NXPH1: variants seen among roughly 807,000 people sequenced by gnomAD.
NXPH1 encodes the protein neurexophilin 1, also known as neurexophilin-1.
A neutral mutation model predicts 23.7 loss-of-function variants in NXPH1; 5 were observed. That is an observed-to-expected ratio of 0.21 (90% CI 0.11 to 0.44). NXPH1 has a LOEUF of 0.44. Ranked by LOEUF, NXPH1 falls within the 20% of genes least tolerant of loss-of-function variation. The pLI is 0.99. For missense variants in NXPH1, 324 were observed against 321.6 expected, an observed-to-expected ratio of 1.01 and a Z score of -0.06; for synonymous variants, 144 against 122.2, an observed-to-expected ratio of 1.18 and a Z score of -1.18.
intron 2 of NXPH1, among the ~76,000 whole-genome samples, chr7:8,667,055 C>A (rs1439328757): frequency 1.3e-5 from 2 of 152,064 alleles, no homozygotes; most frequent in Non-Finnish European, 2.9e-5. Context: ...CTGATGACAA[C>A]TTTTATCACA....
chr7:8,749,263 A>C (rs376441015), intron 2 of NXPH1, among the ~76,000 whole-genome samples: 54 of 152,184 alleles, frequency 3.5e-4, no homozygotes, highest in African/African-American at 1.2e-3. Flanking sequence ...TCACAAACTT[A>C]TGAAGTAGAT....
intron 2 of NXPH1, among the ~76,000 whole-genome samples, chr7:8,698,710 C>G (rs1386952684): frequency 6.6e-6 from 1 of 152,016 alleles, no homozygotes; most frequent in East Asian, 1.9e-4. Context: ...AAGTTGAGAA[C>G]CACAGATCTA....
intron 2 of NXPH1, among the ~76,000 whole-genome samples, chr7:8,667,477 CCG>C (rs1820790881): frequency 6.7e-6 from 1 of 148,592 alleles, no homozygotes; most frequent in South Asian, 2.1e-4. Context: ...TTTTTTTTCT[CCG>C]CAGCATTTTG....
chr7:8,628,789 T>A (rs1188740069), intron 2 of NXPH1, among the ~76,000 whole-genome samples: 1 of 152,014 alleles, frequency 6.6e-6, no homozygotes, highest in Non-Finnish European at 1.5e-5. Flanking sequence ...TGTGTAAATT[T>A]AGCAGAGATT....
intron 2 of NXPH1, among the ~76,000 whole-genome samples, chr7:8,647,450 C>G (rs976085876): frequency 1.3e-5 from 2 of 152,048 alleles, no homozygotes; most frequent in African/African-American, 2.4e-5. Flanking sequence ...AAGACAGCCC[C>G]CAGTGCCAGG....
At chr7:8,581,518 G>C (rs1818871996) in intron 2 of NXPH1, among the ~76,000 whole-genome samples, 1 of 152,148 alleles carries the variant, frequency 6.6e-6, no homozygotes, top group Admixed American at 6.5e-5. Context: ...GGAACAGCAA[G>C]GGGAAAATCT....
chr7:8,452,508 C>G (rs757305135), intron 2 of NXPH1, among the ~76,000 whole-genome samples: 1 of 152,104 alleles, frequency 6.6e-6, no homozygotes, highest in Admixed American at 6.5e-5. Context: ...TGTTTTACAG[C>G]TCTCTTTGTA....
chr7:8,559,697 G>A (rs1818410800), intron 2 of NXPH1, among the ~76,000 whole-genome samples: 1 of 151,642 alleles, frequency 6.6e-6, no homozygotes, highest in African/African-American at 2.4e-5. Flanking sequence ...GCCAAGTGTA[G>A]ACCTTATAGG....
chr7:8,566,467 C>T (rs1818547540), intron 2 of NXPH1, among the ~76,000 whole-genome samples: 1 of 151,734 alleles, frequency 6.6e-6, no homozygotes, highest in African/African-American at 2.4e-5. Flanking sequence ...TTTGAGTGGA[C>T]TAAGTAGTGA....
At chr7:8,690,665 ACT>A (rs1157538845) in intron 2 of NXPH1, among the ~76,000 whole-genome samples, 2 of 152,268 alleles carry the variant, frequency 1.3e-5, no homozygotes, top group East Asian at 1.9e-4. Flanking sequence ...AACAAAGGAA[ACT>A]CTATGGAAAT....
intron 2 of NXPH1, among the ~76,000 whole-genome samples, chr7:8,644,904 G>A (rs1820371378): frequency 6.6e-6 from 1 of 151,998 alleles, no homozygotes; most frequent in African/African-American, 2.4e-5. Flanking sequence ...ATATGGTTTA[G>A]TTTTGCATAT....
intron 2 of NXPH1, among the ~76,000 whole-genome samples, chr7:8,517,800 G>C (rs552943649): frequency 6.6e-6 from 1 of 152,256 alleles, no homozygotes; most frequent in South Asian, 2.1e-4. Flanking sequence ...AATTCTTTGA[G>C]ATAATGTAAC....
chr7:8,563,066 C>A (rs1016259399), intron 2 of NXPH1, among the ~76,000 whole-genome samples: 10 of 151,656 alleles, frequency 6.6e-5, no homozygotes, highest in African/African-American at 2.4e-4. Flanking sequence ...TGAATTAAAT[C>A]TTTTGACTTT....
intron 2 of NXPH1, among the ~76,000 whole-genome samples, chr7:8,468,375 C>T (rs547683883): frequency 6.6e-6 from 1 of 152,154 alleles, no homozygotes; most frequent in Admixed American, 6.5e-5. Flanking sequence ...CACATTTTAT[C>T]TTGAAAAATG....
intron 2 of NXPH1, among the ~76,000 whole-genome samples, chr7:8,613,231 C>T (rs574942748): frequency 5.3e-5 from 8 of 151,808 alleles, no homozygotes; most frequent in African/African-American, 1.9e-4. Flanking sequence ...TTAAGTTTTG[C>T]GCACATTTTC....
At chr7:8,488,468 T>C (rs896455053) in intron 2 of NXPH1, among the ~76,000 whole-genome samples, 2 of 152,118 alleles carry the variant, frequency 1.3e-5, no homozygotes, top group Non-Finnish European at 2.9e-5. Flanking sequence ...ATAAAGCTAA[T>C]CTTATAGAAA....
At chr7:8,539,465 C>G (rs886953935) in intron 2 of NXPH1, among the ~76,000 whole-genome samples, 1 of 151,738 alleles carries the variant, frequency 6.6e-6, no homozygotes, top group South Asian at 2.1e-4. Context: ...ATAATACATA[C>G]TATCTTTTCT....
intron 2 of NXPH1, among the ~76,000 whole-genome samples, chr7:8,713,080 G>A (rs957349470): frequency 1.3e-5 from 2 of 151,530 alleles, no homozygotes; most frequent in Non-Finnish European, 2.9e-5. Flanking sequence ...TTCTAGATAG[G>A]CTTTCTATTT....
chr7:8,577,453 A>G (rs747315999), intron 2 of NXPH1, among the ~76,000 whole-genome samples: 1 of 152,162 alleles, frequency 6.6e-6, no homozygotes, highest in Non-Finnish European at 1.5e-5. Context: ...TACTTGCTTC[A>G]GTATTCCTTG....
Sources: allele counts gnomAD v4.1 joint callset (sites outside exome capture counted in the v4.1 genomes callset), GRCh38; gene constraint gnomAD v4.1.1; transcripts MANE v1.5; gene names NCBI Gene and HGNC (gene_info 2026-07-23, HGNC 2026-07-21).